Variants in RTL10 observed in about 807,000 individuals in gnomAD.
RTL10 encodes the protein retrotransposon Gag like 10.
For synonymous variants in RTL10, 199 were observed against 188.4 expected (o/e 1.06, Z -0.46); for missense variants, 477 against 470.7 (o/e 1.01, Z -0.12).
chr22:19,847,977 A>G lies in RTL10; in HGVS notation c.*3190T>C. On this transcript the variant is annotated 3_prime_UTR_variant, in exon 3 of 3. Transcript: ENST00000328554. ...TACTGAATAATCCATTTTACTCGTT[A>G]ATTGGAAACACCTCTAGCCTGTACT... is the stretch of plus-strand genomic sequence containing the variant. 1.0e-6 allele frequency: 1 copy of G among 985,260 alleles called. No homozygotes were observed. The highest frequency in any genetic ancestry group is 1.2e-6 in the Non-Finnish European group (1 of 829,798). The allele number at this position is 985,260 out of a possible 1,614,324, so 61.0% of individuals were successfully genotyped here.
intron 2 of RTL10, 66 bp from the exon 3 acceptor site, chr22:19,852,552 A>T: frequency 2.5e-6 from 1 of 394,974 alleles, no homozygotes; most frequent in Non-Finnish European, 4.6e-6. Flanking sequence ...GACTGGTGGG[A>T]AGAGGCTACA....
intron 2 of RTL10, among the ~76,000 whole-genome samples, chr22:19,853,721 G>A (rs540879680): frequency 2.0e-5 from 3 of 151,956 alleles, no homozygotes; most frequent in East Asian, 3.9e-4. Flanking sequence ...CCCCCTCTGG[G>A]GGGGGGGTCT....
At position 19,846,814 on chromosome 22, in the gene RTL10, C is replaced by T; in HGVS notation, c.*4353G>A. The T allele has an allele frequency of 1.4e-6, 1 of 696,924 alleles. No homozygotes were observed. Among genetic ancestry groups the T allele is most frequent in the Non-Finnish European group, 1.8e-6 (1 of 566,178 alleles). The allele number at this position is 696,924 out of a possible 1,614,324, so 43.2% of individuals were successfully genotyped here. ...AGGCCTCAGGAGAAACCAACCCTGCCCACACCTTGATCTCAGGCTTCTAGC... is the reference window on the plus strand; with the variant it reads ...AGGCCTCAGGAGAAACCAACCCTGCTCACACCTTGATCTCAGGCTTCTAGC... On this transcript the variant is annotated 3_prime_UTR_variant, in exon 3 of 3. Transcript: ENST00000328554.
At position 19,850,493 on chromosome 22, in the gene RTL10, G is replaced by A. The variant is rs769503115; in HGVS notation, c.*674C>T. The A allele has an allele frequency of 3.1e-4, 317 of 1,034,950 alleles. No individual in the cohort carries two copies. The highest frequency in any genetic ancestry group is 3.5e-4 in the Non-Finnish European group (305 of 862,646). 64.1% of individuals were successfully genotyped at this position (1,034,950 alleles called of 1,614,324 possible). ...GCTACAGTGTTAACACACAAAGGGC[G>A]AATGCCTGCAGCTGAGCCTGGCAAG... On this transcript the variant is annotated 3_prime_UTR_variant, in exon 3 of 3. Coordinates refer to ENST00000328554, the MANE Select transcript of RTL10 (RefSeq NM_024627.6).
Position 19,847,104 on chromosome 22 carries a change from G to T in RTL10, c.*4063C>A. On this transcript the variant is annotated 3_prime_UTR_variant, in exon 3 of 3. Coordinates refer to ENST00000328554, the MANE Select transcript of RTL10 (RefSeq NM_024627.6). ...TGTGGCTTCCTTTGGCCACAGAAAT[G>T]GAAGTGGGGTGACACACATTACTTG... is the stretch of plus-strand genomic sequence containing the variant. The T allele has an allele frequency of 1.0e-6, 1 of 985,434 alleles. No homozygotes were observed. The highest frequency in any genetic ancestry group is 1.2e-6 in the Non-Finnish European group (1 of 829,936). 61.0% of individuals were successfully genotyped at this position (985,434 alleles called of 1,614,324 possible).
In RTL10 at chr22:19,847,510, C is replaced by A; in HGVS notation, c.*3657G>T. 1 of 985,394 alleles carries A rather than the reference C, an allele frequency of 1.0e-6. No homozygotes were observed. The highest frequency in any genetic ancestry group is 4.7e-5 in the South Asian group (1 of 21,286). The allele number at this position is 985,394 out of a possible 1,614,324, so 61.0% of individuals were successfully genotyped here. Reference sequence around the variant, plus strand: ...TCTAACCACCCCATGAGGAAAAACTCTGGTCACAGCTCAAAAAGGTCAGGT... The same window carrying A: ...TCTAACCACCCCATGAGGAAAAACTATGGTCACAGCTCAAAAAGGTCAGGT... On this transcript the variant is annotated 3_prime_UTR_variant, in exon 3 of 3. Transcript: ENST00000328554.
In RTL10 at chr22:19,847,119, C is replaced by T. The variant is rs1937979463; in HGVS notation, c.*4048G>A. On this transcript the variant is annotated 3_prime_UTR_variant, in exon 3 of 3. Transcript: ENST00000328554. The stretch of plus-strand genomic sequence containing the variant: ...CCACAGAAATGGAAGTGGGGTGACA[C>T]ACATTACTTGTGGCCTGCTGTGGCC... 2 of 985,446 alleles carry T rather than the reference C, an allele frequency of 2.0e-6. No homozygotes were observed. The highest frequency in any genetic ancestry group is 2.4e-6 in the Non-Finnish European group (2 of 829,934). 61.0% of individuals were successfully genotyped at this position (985,446 alleles called of 1,614,324 possible).
Position 19,847,955 on chromosome 22 carries a change from T to C in RTL10, c.*3212A>G, listed in dbSNP as rs1253480953. ...TTTCCAGAGGGCCAACTGCTTTTAC[T>C]GAATAATCCATTTTACTCGTTAATT... is the stretch of plus-strand genomic sequence containing the variant. On this transcript the variant is annotated 3_prime_UTR_variant, in exon 3 of 3. Coordinates refer to ENST00000328554, the MANE Select transcript of RTL10 (RefSeq NM_024627.6). 8.1e-6 allele frequency: 8 copies of C among 985,200 alleles called. No individual in the cohort carries two copies. Among genetic ancestry groups the C allele is most frequent in the Non-Finnish European group, 9.6e-6 (8 of 829,828 alleles). The allele number at this position is 985,200 out of a possible 1,614,324, so 61.0% of individuals were successfully genotyped here. A position where few individuals can be genotyped will look rare whatever the true frequency, so the allele number is the denominator to read the frequency against.
Position 19,848,733 on chromosome 22 carries a change from C to T in RTL10, c.*2434G>A, listed in dbSNP as rs1158317443. 1 of 985,392 alleles carries T rather than the reference C, an allele frequency of 1.0e-6. No homozygotes were observed. Among genetic ancestry groups the T allele is most frequent in the Non-Finnish European group, 1.2e-6 (1 of 830,008 alleles). The allele number at this position is 985,392 out of a possible 1,614,324, so 61.0% of individuals were successfully genotyped here. A position where few individuals can be genotyped will look rare whatever the true frequency, so the allele number is the denominator to read the frequency against. On this transcript the variant is annotated 3_prime_UTR_variant, in exon 3 of 3. Transcript: ENST00000328554. ...GACACACGGCAGACCATAACTCACACACCCCCAGGAGCTGCCTGGGTCCCA... is the reference window on the plus strand; with the variant it reads ...GACACACGGCAGACCATAACTCACATACCCCCAGGAGCTGCCTGGGTCCCA...
chr22:19,848,946 C>T lies in RTL10; in HGVS notation c.*2221G>A. On this transcript the variant is annotated 3_prime_UTR_variant, in exon 3 of 3. Coordinates refer to ENST00000328554, the MANE Select transcript of RTL10 (RefSeq NM_024627.6). ...CCATCCTAGAGAGCAACTCTGGGTT[C>T]TACTGCCAGACCCACAGGTGAGCCA... 3 of 985,510 alleles carry T rather than the reference C, an allele frequency of 3.0e-6. No homozygotes were observed. The highest frequency in any genetic ancestry group is 2.4e-6 in the Non-Finnish European group (2 of 830,010). The allele number at this position is 985,510 out of a possible 1,614,324, so 61.0% of individuals were successfully genotyped here.
Position 19,846,606 on chromosome 22 carries a change from A to G in RTL10, c.*4561T>C. The G allele has an allele frequency of 4.2e-6, 4 of 961,312 alleles. No individual in the cohort carries two copies. The highest frequency in any genetic ancestry group is 5.4e-4 in the Middle Eastern group (1 of 1,864). The allele number at this position is 961,312 out of a possible 1,614,324, so 59.5% of individuals were successfully genotyped here. ...AGAACTATGTCCCTTCAATATTTTT[A>G]TGTTCAAGTCCTAACCCCTAGTACT... is the stretch of plus-strand genomic sequence containing the variant. On this transcript the variant is annotated 3_prime_UTR_variant, in exon 3 of 3. Transcript: ENST00000328554.
chr22:19,853,520 C>CA (rs1938159988), intron 2 of RTL10, among the ~76,000 whole-genome samples: 1 of 152,200 alleles, frequency 6.6e-6, no homozygotes, highest in African/African-American at 2.4e-5. Flanking sequence ...ACCCCACACA[C>CA]AAACGCCACC....
Position 19,846,381 on chromosome 22 carries a change from T to C in RTL10, c.*4786A>G, listed in dbSNP as rs1436681681. 2.3e-5 allele frequency: 22 copies of C among 976,990 alleles called. No homozygotes were observed. The highest frequency in any genetic ancestry group is 2.6e-5 in the Non-Finnish European group (21 of 822,202). 60.5% of individuals were successfully genotyped at this position (976,990 alleles called of 1,614,324 possible). On this transcript the variant is annotated 3_prime_UTR_variant, in exon 3 of 3. Transcript: ENST00000328554. ...AAGATTTCTTAAGTGAGAAACAGCA[T>C]CCCATACAGCACAACTGGGCACTGC...
At position 19,851,850 on chromosome 22, in the gene RTL10, G is replaced by A. The variant is rs547046193; in HGVS notation, c.412C>T (p.Arg138Cys). ...HFEHYQDNIS[R>C]VCEILRRLTG... ...AGGCGCCTGAGGATCTCGCAGACAC[G>A]GCTGATGTTGTCCTGATAGTGCTCA... is the stretch of plus-strand genomic sequence containing the variant. The change falls in exon 3 of 3, where the codon CGT (arginine) becomes TGT (cysteine). Residue 138 changes from arginine (R) to cysteine (C), a missense_variant. Arg to Cys is a radical substitution (Grantham distance 180). Coordinates refer to ENST00000328554, the MANE Select transcript of RTL10 (RefSeq NM_024627.6). 4.9e-5 allele frequency: 79 copies of A among 1,613,806 alleles called. No individual in the cohort carries two copies. The highest frequency in any genetic ancestry group is 6.2e-5 in the Non-Finnish European group (73 of 1,180,030).
Position 19,847,604 on chromosome 22 carries a change from A to G in RTL10, c.*3563T>C. ...CCTCCAGTCCCTGCTCTAAACCCCC[A>G]TGTAGTGGTACCGAACCATGACCAC... On this transcript the variant is annotated 3_prime_UTR_variant, in exon 3 of 3. Transcript: ENST00000328554. 1.0e-6 allele frequency: 1 copy of G among 980,168 alleles called. No individual in the cohort carries two copies. Among genetic ancestry groups the G allele is most frequent in the African/African-American group, 1.8e-5 (1 of 56,322 alleles). 60.7% of individuals were successfully genotyped at this position (980,168 alleles called of 1,614,324 possible). A position where few individuals can be genotyped will look rare whatever the true frequency, so the allele number is the denominator to read the frequency against.
In RTL10 at chr22:19,851,469, G is replaced by A; in HGVS notation, c.793C>T (p.Pro265Ser). The A allele has an allele frequency of 1.2e-6, 2 of 1,614,098 alleles. No homozygotes were observed. The highest frequency in any genetic ancestry group is 1.7e-6 in the Non-Finnish European group (2 of 1,180,020). The stretch of plus-strand genomic sequence containing the variant: ...AGGACTGGGGGCTCCTTGGGCCCAG[G>A]GGTGCTCTCCTTGGTCAGCTGCTGC... ...FEQQLTKESTPGPKEPPVLPS... is the reference protein window; with the variant it reads ...FEQQLTKESTSGPKEPPVLPS... Residue 265 changes from proline to serine, a missense_variant, in exon 3 of 3, where the codon CCT becomes TCT. Physicochemically the swap from Pro to Ser is moderately conservative, Grantham distance 74 (BLOSUM62 -1). Transcript: ENST00000328554.
chr22:19,851,124 C>T lies in RTL10; in HGVS notation c.*43G>A, dbSNP rs1938083840. On this transcript the variant is annotated 3_prime_UTR_variant, in exon 3 of 3. Coordinates refer to ENST00000328554, the MANE Select transcript of RTL10 (RefSeq NM_024627.6). ...TATGGGGCGCTCAAGCCACACAGGC[C>T]ACTTCATCATGAGGGGCAGCATTGT... The T allele has an allele frequency of 6.5e-7, 1 of 1,538,204 alleles. No individual in the cohort carries two copies. The highest frequency in any genetic ancestry group is 1.3e-5 in the South Asian group (1 of 79,172).
At position 19,851,303 on chromosome 22, in the gene RTL10, C is replaced by T. The variant is rs1415282632; in HGVS notation, c.959G>A (p.Gly320Glu). 3 of 1,614,028 alleles carry T rather than the reference C, an allele frequency of 1.9e-6. No homozygotes were observed. Among genetic ancestry groups the T allele is most frequent in the African/African-American group, 1.3e-5 (1 of 75,012 alleles). Residue 320 changes from glycine (G) to glutamate (E), a missense_variant, in exon 3 of 3, where the codon GGA (glycine) becomes GAA (glutamate). Physicochemically the swap from Gly to Glu is moderately conservative, Grantham distance 98 (BLOSUM62 -2). Coordinates refer to ENST00000328554, the MANE Select transcript of RTL10 (RefSeq NM_024627.6). Reference protein sequence around the residue: ...PAQRPDPAHPGGPKPQKTEEE... With the variant: ...PAQRPDPAHPEGPKPQKTEEE... ...CTCTGTTTTCTGGGGTTTTGGACCT[C>T]CTGGATGAGCTGGGTCTGGTCTCTG...
chr22:19,850,867 A>G lies in RTL10; in HGVS notation c.*300T>C. On this transcript the variant is annotated 3_prime_UTR_variant, in exon 3 of 3. Coordinates refer to ENST00000328554, the MANE Select transcript of RTL10 (RefSeq NM_024627.6). ...TGATGCAACTATCTGCTGAGAGTTG[A>G]TCTACAAAACGACCCCCTCGTGGGA... The G allele has an allele frequency of 7.5e-7, 1 of 1,329,030 alleles. No homozygotes were observed. Among genetic ancestry groups the G allele is most frequent in the Non-Finnish European group, 9.6e-7 (1 of 1,044,214 alleles). 82.3% of individuals were successfully genotyped at this position (1,329,030 alleles called of 1,614,324 possible). A position where few individuals can be genotyped will look rare whatever the true frequency, so the allele number is the denominator to read the frequency against.
Sources: gnomAD v4.1 joint callset for allele counts (sites outside exome capture counted in the v4.1 genomes callset) on GRCh38, gnomAD v4.1.1 for gene constraint, MANE v1.5 for transcripts, NCBI Gene and HGNC (gene_info 2026-07-23, HGNC 2026-07-21) for gene names.